ZAN: variants seen among roughly 807,000 people sequenced by gnomAD.
ZAN encodes the protein zonadhesin.
In ZAN, 260 loss-of-function variants were observed where a neutral mutation model predicts 286.2. That is an observed-to-expected ratio of 0.91 (90% CI 0.82 to 1.01). The LOEUF (loss-of-function observed/expected upper bound fraction) is 1.01, where lower values mean the gene tolerates loss of function less well. ZAN is among the 50% of genes least tolerant of loss of function. The pLI, the probability that ZAN is intolerant of heterozygous loss-of-function variation, is 0.00. For synonymous variants in ZAN, 1,368 were observed against 1,417.5 expected (o/e 0.97, Z 0.79); for missense variants, 3,410 against 3,639.2 (o/e 0.94, Z 1.62).
rs2116159204 is a variant in ZAN, at chr7:100,775,409, C to T, written c.5861C>T (p.Thr1954Ile). 1.2e-6 allele frequency: 2 copies of T among 1,613,996 alleles called. No individual in the cohort carries two copies. The highest frequency in any genetic ancestry group is 1.7e-6 in the Non-Finnish European group (2 of 1,179,910). ...AACCATTCTATCCCGGACGCCTGCA[C>T]TCTTGTCCTGGTGAAAGTGTGCCAC... The part of the protein sequence containing the change: ...GSNHSIPDAC[T>I]LVLVKVCHPA... The change falls in exon 32 of 48, where the codon ACT becomes ATT. Residue 1954 changes from threonine (T) to isoleucine (I), a missense_variant. Thr to Ile is a moderately conservative substitution (Grantham distance 89). This residue lies in a region of ZAN where 1,289 missense variants were observed against 1,314.3 expected (regional missense o/e 0.98). Transcript: ENST00000613979.
chr7:100,781,134 C>G (rs1329904629), intron 35 of ZAN, among the ~76,000 whole-genome samples: 1 of 151,942 alleles, frequency 6.6e-6, no homozygotes, highest in Non-Finnish European at 1.5e-5. Context: ...GTGGTGTGAC[C>G]TTGGCTCACT....
In ZAN at chr7:100,773,278, T is replaced by G; in HGVS notation, c.5426-7T>G. The G allele has an allele frequency of 6.2e-7, 1 of 1,612,256 alleles. No homozygotes were observed. The highest frequency in any genetic ancestry group is 8.5e-7 in the Non-Finnish European group (1 of 1,179,868). On this transcript the variant is annotated splice_region_variant and splice_polypyrimidine_tract_variant and intron_variant, in intron 29 of 47. Coordinates refer to ENST00000613979, the MANE Select transcript of ZAN (RefSeq NM_003386.3). ...CCCACTCTTCCTAATGCTCTCATTT[T>G]CTTTAGCTATGAGGTGCCCACCTGG...
intron 34 of ZAN, among the ~76,000 whole-genome samples, chr7:100,778,768 C>T (rs929151234): frequency 6.6e-6 from 1 of 151,970 alleles, no homozygotes; most frequent in Non-Finnish European, 1.5e-5. Context: ...CGTGGTGGCT[C>T]AGGCCTGATA....
At chr7:100,774,915 G>C (rs1562945223) in intron 31 of ZAN, among the ~76,000 whole-genome samples, 1 of 66,184 alleles carries the variant, frequency 1.5e-5, no homozygotes, top group South Asian at 6.6e-4. Flanking sequence ...CCTGGCCCTG[G>C]GGTTTTTTGT....
intron 38 of ZAN, 59 bp downstream of exon 38, chr7:100,788,195 C>T: frequency 7.0e-7 from 1 of 1,423,148 alleles, no homozygotes; most frequent in African/African-American, 1.4e-5. Flanking sequence ...GGTAGGCCAC[C>T]TGGAGTAGAA....
At chr7:100,748,032 C>T in intron 9 of ZAN, 105 bp from the exon 10 acceptor site, 1 of 889,744 alleles carries the variant, frequency 1.1e-6, no homozygotes, top group Non-Finnish European at 1.8e-6. Flanking sequence ...AGGGTCTGGG[C>T]ACAGGGAGTA....
intron 9 of ZAN, 23 bp from the exon 10 acceptor site, chr7:100,748,114 G>T: frequency 6.2e-7 from 1 of 1,609,344 alleles, no homozygotes; most frequent in Non-Finnish European, 8.5e-7. Context: ...GCTCACTCCT[G>T]CTCCATCTCC....
intron 37 of ZAN, among the ~76,000 whole-genome samples, chr7:100,787,237 T>C (rs1811618893): frequency 6.7e-6 from 1 of 150,360 alleles, no homozygotes; most frequent in Non-Finnish European, 1.5e-5. Flanking sequence ...AAGACCAGCC[T>C]GGGCAATGTA....
chr7:100,776,775 G>C (rs1325103865), intron 34 of ZAN, among the ~76,000 whole-genome samples: 1 of 116,848 alleles, frequency 8.6e-6, no homozygotes, highest in East Asian at 3.0e-4. Context: ...GCCCAGGCCG[G>C]ACTGCGGACT....
rs780047674 is a variant in ZAN, at chr7:100,797,383, G to A, written c.8284G>A (p.Val2762Ile). ...PRKPASNLVGVLLGLLVPVVV... is the reference protein window; with the variant it reads ...PRKPASNLVGILLGLLVPVVV... ...CCCAGAAGCATCTAACCTGGTGGGC[G>A]TCCTACTGGGACTGCTGGTGCCTGT... The change falls in exon 46 of 48, where the codon GTC (valine) becomes ATC (isoleucine). Residue 2762 changes from valine (V) to isoleucine (I), a missense_variant. By Grantham distance (29) the Val-to-Ile change is conservative (BLOSUM62 3). Around this residue, in one of 7 missense-constraint regions of ZAN, gnomAD observed 1,289 missense variants for 1,314.3 expected, o/e 0.98. Transcript: ENST00000613979. The A allele has an allele frequency of 5.0e-6, 8 of 1,613,650 alleles. No homozygotes were observed. Among genetic ancestry groups the A allele is most frequent in the South Asian group, 2.2e-5 (2 of 91,082 alleles).
At chr7:100,792,608 C>T (rs534291399) in intron 42 of ZAN, 129 bp downstream of exon 42, 12 of 1,499,708 alleles carry the variant, frequency 8.0e-6, no homozygotes, top group East Asian at 2.4e-5. Context: ...GCTGAACGCT[C>T]TTCCCACCAT....
intron 7 of ZAN, 139 bp downstream of exon 7, chr7:100,738,752 C>A: frequency 9.5e-7 from 1 of 1,048,802 alleles, no homozygotes; most frequent in Non-Finnish European, 1.3e-6. Flanking sequence ...AAGCTGATTT[C>A]AAGCACCCAG....
rs756601350 is a variant in ZAN, at chr7:100,789,241, C to T, written c.7251C>T (p.Val2417=). The change falls in exon 39 of 48, where the codon GTC becomes GTT. Residue 2417 remains valine, a synonymous_variant. Coordinates refer to ENST00000613979, the MANE Select transcript of ZAN (RefSeq NM_003386.3). ...AGGTCAACAACCAGAAGATGGCCGT[C>T]CCCTACAGGCCAAATGAACACCTGC... The part of the protein sequence containing the change: ...ELVVNNQKMA[V]PYRPNEHLRV... The T allele has an allele frequency of 4.3e-6, 7 of 1,613,782 alleles. No individual in the cohort carries two copies. In the Admixed American group the frequency reaches 1.2e-4, roughly 27 times the overall value.
At position 100,773,715 on chromosome 7, in the gene ZAN, C is replaced by G; in HGVS notation, c.5635-6C>G. 2 of 1,606,666 alleles carry G rather than the reference C, an allele frequency of 1.2e-6. No individual in the cohort carries two copies. The highest frequency in any genetic ancestry group is 1.3e-5 in the African/African-American group (1 of 74,868). ...TGTTGGCTCAGCTGATCCCTGTGGC[C>G]CACAGGTCGGGGAGCGCTGGTACAC... On this transcript the variant is annotated splice_region_variant and splice_polypyrimidine_tract_variant and intron_variant, in intron 30 of 47. Transcript: ENST00000613979.
chr7:100,774,881 G>A (rs997440623), intron 31 of ZAN, among the ~76,000 whole-genome samples: 4 of 151,126 alleles, frequency 2.6e-5, no homozygotes, highest in Admixed American at 1.3e-4. Flanking sequence ...TCCTCCACCC[G>A]TAAACCTCAC....
At chr7:100,747,165 T>C (rs1445764272) in intron 8 of ZAN, among the ~76,000 whole-genome samples, 1 of 151,808 alleles carries the variant, frequency 6.6e-6, no homozygotes, top group Non-Finnish European at 1.5e-5. Context: ...GGCTGGTGGA[T>C]CACCTGAGGT....
rs776813615 is a variant in ZAN, at chr7:100,738,627, A to T, written c.766+14A>T. ...CTAGCCCTGGTAGTGAGTAGCGGCC[A>T]TGCTTCTGTCCCTTGACTTTCTGGG... On this transcript the variant is annotated intron_variant, in intron 7 of 47. Transcript: ENST00000613979. The T allele has an allele frequency of 9.9e-6, 15 of 1,513,246 alleles. 2 individuals carry two copies. The African/African-American group carries it at 1.7e-4, about 17-fold the overall frequency. The allele number at this position is 1,513,246 out of a possible 1,614,324, so 93.7% of individuals were successfully genotyped here.
At chr7:100,790,911 C>T in intron 39 of ZAN, 31 bp from the exon 40 acceptor site, 2 of 1,465,048 alleles carry the variant, frequency 1.4e-6, no homozygotes, top group African/African-American at 1.5e-5. Flanking sequence ...AGTGAGGAGT[C>T]TCACTTCTGG....
At chr7:100,797,682 C>T (rs1384905140) in intron 47 of ZAN, 25 bp from the exon 48 acceptor site, 1 of 1,613,890 alleles carries the variant, frequency 6.2e-7, no homozygotes, top group Non-Finnish European at 8.5e-7. Context: ...TCCTCTCATA[C>T]ATGGTTTTCT....
Sources: gnomAD v4.1 joint callset for allele counts (sites outside exome capture counted in the v4.1 genomes callset) on GRCh38, gnomAD v4.1.1 for gene constraint, gnomAD v4.1.1 regional missense constraint, MANE v1.5 for transcripts, NCBI Gene and HGNC (gene_info 2026-07-23, HGNC 2026-07-21) for gene names.